Variants in CSMD1 observed in about 807,000 individuals in gnomAD.
CSMD1 encodes the protein CUB and sushi domain-containing protein 1.
Under a neutral mutation model 417.5 loss-of-function variants are expected in CSMD1, and 213 were observed. The ratio of observed to expected loss-of-function variants is 0.51; its 90% CI spans 0.46 to 0.57. The LOEUF is 0.57. Ranked by LOEUF, CSMD1 falls within the 20% of genes least tolerant of loss-of-function variation. CSMD1 has a pLI of 0.00. For missense variants in CSMD1, 6,923 were observed against 4,529.7 expected (o/e 1.53, Z -15.17); for synonymous variants, 2,862 against 1,736.8 (o/e 1.65, Z -16.11).
chr8:4,832,206 G>C (rs767369369), intron 1 of CSMD1, among the ~76,000 whole-genome samples: 1 of 152,186 alleles, frequency 6.6e-6, no homozygotes, highest in Non-Finnish European at 1.5e-5. Flanking sequence ...GTGTGGGAGG[G>C]TTTGGGAGGT....
chr8:4,568,359 C>G (rs540140712), intron 2 of CSMD1, among the ~76,000 whole-genome samples: 2 of 152,268 alleles, frequency 1.3e-5, no homozygotes, highest in African/African-American at 4.8e-5. Context: ...CCACTTATGA[C>G]TGAGAACATG....
intron 1 of CSMD1, among the ~76,000 whole-genome samples, chr8:4,757,596 A>G (rs1190236623): frequency 1.3e-5 from 2 of 152,192 alleles, no homozygotes; most frequent in South Asian, 2.1e-4. Flanking sequence ...TACAGGAGAC[A>G]TATCTCTACC....
At chr8:4,643,203 G>C (rs1301811298) in intron 1 of CSMD1, among the ~76,000 whole-genome samples, 2 of 152,176 alleles carry the variant, frequency 1.3e-5, no homozygotes, top group Non-Finnish European at 2.9e-5. Context: ...CACCACACTG[G>C]CTCCTTTCTA....
At chr8:4,618,700 C>G (rs1307724400) in intron 2 of CSMD1, among the ~76,000 whole-genome samples, 1 of 152,082 alleles carries the variant, frequency 6.6e-6, no homozygotes, top group Admixed American at 6.6e-5. Context: ...ATATTAGATC[C>G]AAAACGTGAT....
intron 5 of CSMD1, among the ~76,000 whole-genome samples, chr8:3,966,098 G>A (rs895620779): frequency 6.6e-6 from 1 of 152,164 alleles, no homozygotes; most frequent in East Asian, 1.9e-4. Flanking sequence ...GACTACGAAT[G>A]TACTTCATAA....
At chr8:4,441,906 C>T (rs913974485) in intron 2 of CSMD1, among the ~76,000 whole-genome samples, 1 of 152,078 alleles carries the variant, frequency 6.6e-6, no homozygotes, top group Non-Finnish European at 1.5e-5. Flanking sequence ...TTAGGAAATT[C>T]CTTTATAAAT....
chr8:3,917,284 G>A (rs1403044800), intron 5 of CSMD1, among the ~76,000 whole-genome samples: 1 of 152,126 alleles, frequency 6.6e-6, no homozygotes, highest in Non-Finnish European at 1.5e-5. Flanking sequence ...TGAAGTTCCT[G>A]AAATTAGGTG....
chr8:4,725,035 T>C (rs1010985458), intron 1 of CSMD1, among the ~76,000 whole-genome samples: 5 of 152,204 alleles, frequency 3.3e-5, no homozygotes, highest in Non-Finnish European at 7.4e-5. Flanking sequence ...TTTATACTTT[T>C]GCTATTTTAA....
At chr8:3,436,600 TA>T (rs1396063608) in intron 12 of CSMD1, among the ~76,000 whole-genome samples, 1 of 152,218 alleles carries the variant, frequency 6.6e-6, no homozygotes, top group African/African-American at 2.4e-5. Flanking sequence ...TATGTTTTAT[TA>T]TTGATCATAA....
chr8:4,454,803 T>G (rs765765262), intron 2 of CSMD1, among the ~76,000 whole-genome samples: 5 of 152,146 alleles, frequency 3.3e-5, no homozygotes, highest in Non-Finnish European at 5.9e-5. Context: ...CAACTAGAAG[T>G]GAAAATTATC....
At chr8:4,385,096 T>G (rs983671657) in intron 3 of CSMD1, among the ~76,000 whole-genome samples, 5 of 152,116 alleles carry the variant, frequency 3.3e-5, no homozygotes, top group African/African-American at 1.2e-4. Context: ...CCAGCTAATT[T>G]TTGTATTTTT....
chr8:4,455,871 G>C (rs1057481581), intron 2 of CSMD1, among the ~76,000 whole-genome samples: 2 of 122,526 alleles, frequency 1.6e-5, no homozygotes, highest in African/African-American at 6.1e-5. Flanking sequence ...ACAGGTTGCA[G>C]TGAGCCAAGA....
intron 1 of CSMD1, among the ~76,000 whole-genome samples, chr8:4,943,808 G>A (rs7834707): frequency 0.97 from 148,272 of 152,246 alleles, 72,281 homozygotes; most frequent in East Asian, 1. Context: ...CCTTATGAAC[G>A]AAGATTTGAC....
chr8:4,955,769 C>T (rs1319810416), intron 1 of CSMD1, among the ~76,000 whole-genome samples: 1 of 45,926 alleles, frequency 2.2e-5, no homozygotes, highest in Non-Finnish European at 5.2e-5. Flanking sequence ...CTCTTCCAAA[C>T]TGCATGTTAG....
At chr8:4,913,012 C>T (rs767327223) in intron 1 of CSMD1, among the ~76,000 whole-genome samples, 4 of 152,140 alleles carry the variant, frequency 2.6e-5, no homozygotes, top group Admixed American at 6.5e-5. Context: ...TAGTCTCGAA[C>T]TCCTGACCTC....
chr8:4,107,267 T>A (rs1368846409), intron 3 of CSMD1, among the ~76,000 whole-genome samples: 1 of 152,140 alleles, frequency 6.6e-6, no homozygotes, highest in Non-Finnish European at 1.5e-5. Context: ...TGATTCAAAG[T>A]GCTTGCCATT....
intron 2 of CSMD1, among the ~76,000 whole-genome samples, chr8:4,460,390 T>C (rs1369470190): frequency 2.0e-5 from 3 of 152,014 alleles, no homozygotes; most frequent in Non-Finnish European, 4.4e-5. Flanking sequence ...AGAAAAAATC[T>C]TACATAAATA....
At chr8:4,101,673 T>C (rs1036748546) in intron 3 of CSMD1, among the ~76,000 whole-genome samples, 2 of 152,236 alleles carry the variant, frequency 1.3e-5, no homozygotes, top group Admixed American at 6.5e-5. Flanking sequence ...GTTGAATTTA[T>C]GAAAGTGATG....
intron 12 of CSMD1, among the ~76,000 whole-genome samples, chr8:3,440,728 G>C (rs1021007560): frequency 6.6e-6 from 1 of 152,146 alleles, no homozygotes; most frequent in Non-Finnish European, 1.5e-5. Flanking sequence ...CTTACTCTTA[G>C]GGGGTAACAT....
Sources: allele counts gnomAD v4.1 joint callset (sites outside exome capture counted in the v4.1 genomes callset), GRCh38; gene constraint gnomAD v4.1.1; transcripts MANE v1.5; gene names NCBI Gene and HGNC (gene_info 2026-07-23, HGNC 2026-07-21).